Variants in CD99 observed in about 807,000 individuals in gnomAD.
The protein encoded by CD99 is CD99 molecule (Xg blood group), also known as CD99 antigen.
In CD99, 19 loss-of-function variants were observed where a neutral mutation model predicts 28.4. The observed-to-expected ratio is 0.67, with a 90% CI of 0.47 to 0.98. CD99 has a LOEUF of 0.98. CD99 is among the 50% of genes least tolerant of loss of function. CD99 has a pLI of 0.00. For missense variants in CD99, 283 were observed against 248.8 expected (o/e 1.14, Z -0.92); for synonymous variants, 103 against 92.1 (o/e 1.12, Z -0.67).
intron 7 of CD99, 63 bp downstream of exon 7, chrX:2,723,427 ATGTC>A: frequency 1.3e-6 from 2 of 1,578,006 alleles, no homozygotes; most frequent in South Asian, 2.2e-5. Flanking sequence ...GGGAAGCAGA[ATGTC>A]TGAGAGCTGG....
At chrX:2,717,051 A>G (rs1170394453) in intron 2 of CD99, among the ~76,000 whole-genome samples, 2 of 152,080 alleles carry the variant, frequency 1.3e-5, no homozygotes, top group Non-Finnish European at 2.9e-5. Flanking sequence ...ATTCAACGTC[A>G]AGAAGTGGAG....
At chrX:2,705,299 C>T (rs1396650316) in intron 1 of CD99, among the ~76,000 whole-genome samples, 1 of 152,232 alleles carries the variant, frequency 6.6e-6, no homozygotes, top group Admixed American at 6.5e-5. Context: ...CACTGGCACA[C>T]ATCCTGTTAC....
intron 7 of CD99, among the ~76,000 whole-genome samples, chrX:2,725,931 G>T (rs1222673265): frequency 2.6e-5 from 4 of 152,068 alleles, no homozygotes; most frequent in Admixed American, 2.6e-4. Flanking sequence ...CTTTCCATCT[G>T]TCTTTGTCTT....
At chrX:2,728,131 G>A (rs1408256994) in intron 8 of CD99, among the ~76,000 whole-genome samples, 5 of 151,898 alleles carry the variant, frequency 3.3e-5, no homozygotes, top group Non-Finnish European at 7.4e-5. Flanking sequence ...TGGGGTTTTG[G>A]GCAGTGCGTG....
At chrX:2,713,053 CACCT>C (rs1159065400) in intron 1 of CD99, among the ~76,000 whole-genome samples, 1 of 151,666 alleles carries the variant, frequency 6.6e-6, no homozygotes, top group Non-Finnish European at 1.5e-5. Context: ...TGCACAAACA[CACCT>C]ACACACATAA....
At chrX:2,705,328 A>G (rs111696567) in intron 1 of CD99, among the ~76,000 whole-genome samples, 4,525 of 152,334 alleles carry the variant, frequency 0.03, 118 homozygotes, top group Non-Finnish European at 0.053. Context: ...AGCTGGACCC[A>G]GCACTGGAGT....
chrX:2,712,683 G>A (rs1396286299), intron 1 of CD99, among the ~76,000 whole-genome samples: 1 of 152,084 alleles, frequency 6.6e-6, no homozygotes, highest in Non-Finnish European at 1.5e-5. Context: ...CTCCACTCTG[G>A]TTGCCGGCAT....
intron 7 of CD99, among the ~76,000 whole-genome samples, chrX:2,725,774 C>A (rs1203179557): frequency 6.6e-6 from 1 of 152,072 alleles, no homozygotes; most frequent in African/African-American, 2.4e-5. Context: ...CCCTTACTCC[C>A]GGCTAATTTT....
intron 1 of CD99, among the ~76,000 whole-genome samples, chrX:2,703,880 G>A (rs1248746817): frequency 2.0e-5 from 3 of 152,104 alleles, no homozygotes; most frequent in East Asian, 3.8e-4. Flanking sequence ...TCAGTTTCCT[G>A]TAGGGATGGG....
Position 2,722,658 on chromosome X carries a change from C to T in CD99, c.294C>T (p.Gly98=), listed in dbSNP as rs749469266. The T allele has an allele frequency of 1.5e-5, 24 of 1,613,906 alleles. No individual in the cohort carries two copies. Among genetic ancestry groups the T allele is most frequent in the East Asian group, 2.2e-5 (1 of 44,888 alleles). The stretch of plus-strand genomic sequence containing the variant: ...TTTCAGATGCTGACCTTGCGGATGG[C>T]GTTTCAGGTGGAGAAGGTACAGTTA... ...GSFSDADLAD[G]VSGGEGKGGS... is the part of the protein sequence containing the mutation. Residue 98 remains glycine (G), a synonymous_variant, in exon 6 of 10, where the codon GGC becomes GGT. Coordinates refer to ENST00000381192, the MANE Select transcript of CD99 (RefSeq NM_002414.5).
At chrX:2,709,504 A>G (rs2048285954) in intron 1 of CD99, among the ~76,000 whole-genome samples, 1 of 152,234 alleles carries the variant, frequency 6.6e-6, no homozygotes, top group Non-Finnish European at 1.5e-5. Flanking sequence ...GCACACTCAC[A>G]ATGCACATGA....
At chrX:2,696,100 A>G (rs2047562222) in intron 1 of CD99, among the ~76,000 whole-genome samples, 1 of 152,234 alleles carries the variant, frequency 6.6e-6, no homozygotes, top group Admixed American at 6.5e-5. Context: ...CTGCTCTAGT[A>G]CCCTCAACAA....
At chrX:2,730,882 A>G (rs1349863736) in intron 8 of CD99, among the ~76,000 whole-genome samples, 4 of 146,428 alleles carry the variant, frequency 2.7e-5, no homozygotes, top group African/African-American at 1.0e-4. Context: ...GTGAGCCAAG[A>G]TTGTGCCACC....
intron 1 of CD99, among the ~76,000 whole-genome samples, chrX:2,695,901 T>C (rs2047553466): frequency 6.6e-6 from 1 of 152,200 alleles, no homozygotes; most frequent in Non-Finnish European, 1.5e-5. Flanking sequence ...CCCAAAGTGC[T>C]GGGATTACAG....
chrX:2,709,093 T>A (rs1020341339), intron 1 of CD99, among the ~76,000 whole-genome samples: 1 of 147,442 alleles, frequency 6.8e-6, no homozygotes, highest in Non-Finnish European at 1.5e-5. Context: ...GCTGGTGGAC[T>A]CTGAGGGTGA....
intron 1 of CD99, among the ~76,000 whole-genome samples, chrX:2,710,629 A>G (rs2048352750): frequency 6.6e-6 from 1 of 150,938 alleles, no homozygotes; most frequent in South Asian, 2.1e-4. Flanking sequence ...TAAAGAATAC[A>G]TTATGGACTC....
rs375832826 is a variant in CD99, at chrX:2,714,558, A to G, written c.100+104A>G. On this transcript the variant is annotated intron_variant, in intron 2 of 9. Coordinates refer to ENST00000381192, the MANE Select transcript of CD99 (RefSeq NM_002414.5). ...TCCAGCTAGGTTCTAGACCACCGCA[A>G]TAACAGGAGTCATAGCAATTTTTGG... 112 of 957,162 alleles carry G rather than the reference A, an allele frequency of 1.2e-4. 2 individuals carry two copies. Among genetic ancestry groups the G allele is most frequent in the East Asian group, 7.5e-4 (31 of 41,096 alleles). The allele number at this position is 957,162 out of a possible 1,614,324, so 59.3% of individuals were successfully genotyped here.
chrX:2,719,658 T>G lies in CD99; in HGVS notation c.149-3T>G, dbSNP rs1413204151. 6.2e-7 allele frequency: 1 copy of G among 1,613,322 alleles called. No individual in the cohort carries two copies. The highest frequency in any genetic ancestry group is 1.1e-5 in the South Asian group (1 of 91,072). ...GTATTAACTGCTCTTTCCCCTCTTT[T>G]AGGGGATGACTTTGACTTAGGAGAT... On this transcript the variant is annotated splice_region_variant and splice_polypyrimidine_tract_variant and intron_variant, in intron 3 of 9. Coordinates refer to ENST00000381192, the MANE Select transcript of CD99 (RefSeq NM_002414.5).
intron 8 of CD99, chrX:2,733,440 A>G: frequency 1.3e-6 from 2 of 1,519,254 alleles, no homozygotes; most frequent in Non-Finnish European, 1.8e-6. Context: ...CTGCTAAGAC[A>G]TAGCCTTAAA....
Sources: gnomAD v4.1 joint callset for allele counts (sites outside exome capture counted in the v4.1 genomes callset) on GRCh38, gnomAD v4.1.1 for gene constraint, MANE v1.5 for transcripts, NCBI Gene and HGNC (gene_info 2026-07-23, HGNC 2026-07-21) for gene names.